Variants in ARHGEF9 observed in about 807,000 individuals in gnomAD.
ARHGEF9 encodes Cdc42 guanine nucleotide exchange factor 9.
Under a neutral mutation model 41.3 loss-of-function variants are expected in ARHGEF9, and 2 were observed. The observed-to-expected ratio is 0.05, with a 90% confidence interval of 0.02 to 0.15. The LOEUF (loss-of-function observed/expected upper bound fraction) is 0.15, where lower values mean the gene tolerates loss of function less well. Ranked by LOEUF, ARHGEF9 falls within the 10% of genes least tolerant of loss-of-function variation. The pLI is 1.00. For synonymous variants in ARHGEF9, 160 were observed against 154.4 expected (o/e 1.04, Z -0.27); for missense variants, 225 against 424.7 (o/e 0.53, Z 4.13).
chrX:63,646,308 C>T (rs1277301350), intron 8 of ARHGEF9, among the ~76,000 whole-genome samples: 4 of 111,941 alleles, frequency 3.6e-5, no homozygotes, highest in South Asian at 3.7e-4. Context: ...CTTGCCCATG[C>T]GTATGTCCCG....
chrX:63,712,141 G>A (rs2052975697), intron 2 of ARHGEF9, among the ~76,000 whole-genome samples: 1 of 112,031 alleles, frequency 8.9e-6, no homozygotes, highest in Admixed American at 9.4e-5. Context: ...ACGAGCATGT[G>A]AAGAAATTGG....
chrX:63,712,777 CCT>C (rs2053028485), intron 2 of ARHGEF9: 1 of 111,095 alleles, frequency 9.0e-6, no homozygotes, highest in African/African-American at 3.3e-5. Flanking sequence ...TGAAATTTCC[CCT>C]GATTGTTCCT....
At chrX:63,711,111 G>A (rs1329947034) in intron 2 of ARHGEF9, among the ~76,000 whole-genome samples, 2 of 111,768 alleles carry the variant, frequency 1.8e-5, no homozygotes, top group Admixed American at 9.5e-5. Flanking sequence ...AACAAAAGAA[G>A]TGCAGTCTTA....
At chrX:63,750,871 A>ATT (rs1205919642) in intron 1 of ARHGEF9, among the ~76,000 whole-genome samples, 4 of 110,967 alleles carry the variant, frequency 3.6e-5, no homozygotes, top group East Asian at 5.7e-4. Flanking sequence ...TTTCCGAGGC[A>ATT]TTTGCAGGAA....
chrX:63,666,137 G>A, intron 6 of ARHGEF9, 120 bp from the exon 7 acceptor site: 2 of 926,409 alleles, frequency 2.2e-6, no homozygotes, highest in South Asian at 4.2e-5. Context: ...GGGCCTGGTA[G>A]AGACAGAGGG....
chrX:63,774,054 TATC>T lies in ARHGEF9; in HGVS notation c.30+11059_30+11061del, dbSNP rs1556456565. Among the ~76,000 whole-genome samples the T allele has an allele frequency of 3.3e-5, 3 of 92,164 alleles. No homozygotes were observed. The East Asian group carries it at 9.3e-4, about 29-fold the overall frequency. 80.0% of individuals were successfully genotyped at this position (92,164 alleles called of 115,157 possible). On this transcript the variant is annotated intron_variant, in intron 1 of 9. Coordinates refer to ENST00000671741, the MANE Select transcript of ARHGEF9 (RefSeq NM_001353921.2). The stretch of plus-strand genomic sequence containing the variant: ...GAGCAAATCCATTATAATATCTATC[TATC>T]TATCTATCTATCTATCTATCTATCT...
chrX:63,772,967 C>T (rs1469144738), intron 1 of ARHGEF9, among the ~76,000 whole-genome samples: 1 of 111,386 alleles, frequency 9.0e-6, no homozygotes, highest in African/African-American at 3.3e-5. Flanking sequence ...GATCTTTCCC[C>T]AAGTCTCTAC....
intron 2 of ARHGEF9, among the ~76,000 whole-genome samples, chrX:63,717,314 A>G (rs1377927108): frequency 3.6e-5 from 4 of 112,211 alleles, no homozygotes; most frequent in African/African-American, 1.3e-4. Context: ...ACATTGTCCA[A>G]TTACATGTTC....
chrX:63,674,857 G>T (rs1186343806), intron 5 of ARHGEF9, among the ~76,000 whole-genome samples: 9 of 111,677 alleles, frequency 8.1e-5, no homozygotes, highest in Non-Finnish European at 1.1e-4. Context: ...AGTTAGAAAA[G>T]AAGTGATTTC....
chrX:63,759,318 A>G (rs2055993098), intron 1 of ARHGEF9, among the ~76,000 whole-genome samples: 1 of 110,576 alleles, frequency 9.0e-6, no homozygotes, highest in African/African-American at 3.3e-5. Flanking sequence ...CCCTCCCGAG[A>G]TCTATTCCTT....
At position 63,659,616 on chromosome X, in the gene ARHGEF9, T is replaced by C. The variant is rs781913115; in HGVS notation, c.1078-3879A>G. On this transcript the variant is annotated intron_variant, in intron 7 of 9. Transcript: ENST00000671741. ...CCCTGCCCCTTTATAGAGGGGACCC[T>C]AGTTACTCTTCTCTAGCCTTTTCTC... is the stretch of plus-strand genomic sequence containing the variant. 2.7e-5 allele frequency among the ~76,000 whole-genome samples: 3 copies of C among 111,409 alleles called. No homozygotes were observed. The East Asian group carries it at 8.5e-4, about 32-fold the overall frequency.
At chrX:63,656,915 A>G (rs1305896144) in intron 7 of ARHGEF9, 1 of 112,232 alleles carries the variant, frequency 8.9e-6, no homozygotes, top group Non-Finnish European at 1.9e-5. Flanking sequence ...TGAATGTCAA[A>G]TATTTCATAA....
intron 2 of ARHGEF9, among the ~76,000 whole-genome samples, chrX:63,720,960 C>G (rs1328317228): frequency 8.9e-6 from 1 of 111,911 alleles, no homozygotes; most frequent in African/African-American, 3.3e-5. Flanking sequence ...GGGAACCATC[C>G]AAGTCACTTT....
chrX:63,697,140 G>A lies in ARHGEF9; in HGVS notation c.567C>T (p.Pro189=). The change falls in exon 4 of 10, where the codon CCC becomes CCT. Residue 189 remains proline, a synonymous_variant. Transcript: ENST00000671741. ...AGATACTTACGTGCTCTAGGAAGCA[G>A]GGTCCTATCTCGCTGAGGTGGGGGT... ...NDDPHLSEIG[P]CFLEHQDGFW... 8.3e-7 allele frequency: 1 copy of A among 1,210,196 alleles called. No homozygotes were observed. Among genetic ancestry groups the A allele is most frequent in the East Asian group, 3.0e-5 (1 of 33,759 alleles).
At chrX:63,662,722 G>A (rs1413999820) in intron 7 of ARHGEF9, among the ~76,000 whole-genome samples, 1 of 111,939 alleles carries the variant, frequency 8.9e-6, no homozygotes, top group African/African-American at 3.2e-5. Flanking sequence ...TACCTCATAG[G>A]TTTGTTGTGA....
chrX:63,720,167 C>G (rs1307008506), intron 2 of ARHGEF9, among the ~76,000 whole-genome samples: 2 of 111,596 alleles, frequency 1.8e-5, no homozygotes, highest in African/African-American at 6.5e-5. Flanking sequence ...TGACCTGGCA[C>G]AGTCTCAAGT....
chrX:63,695,519 C>T (rs2051679872), intron 4 of ARHGEF9, among the ~76,000 whole-genome samples: 1 of 111,856 alleles, frequency 8.9e-6, no homozygotes, highest in South Asian at 3.7e-4. Flanking sequence ...AAGAATGGAA[C>T]CAGAAGGTCA....
Position 63,635,498 on chromosome X carries a change from T to A in ARHGEF9, c.*2530A>T, listed in dbSNP as rs1446444724. The stretch of plus-strand genomic sequence containing the variant: ...AACAGGTTAGGATACTGAACCCAGG[T>A]ATTTAATTGGGCTCCCCTTGGGGCT... On this transcript the variant is annotated 3_prime_UTR_variant, in exon 10 of 10. Coordinates refer to ENST00000671741, the MANE Select transcript of ARHGEF9 (RefSeq NM_001353921.2). 49 of 495,653 alleles carry A rather than the reference T, an allele frequency of 9.9e-5. No individual in the cohort carries two copies. In the East Asian group the frequency reaches 1.9e-3, roughly 19 times the overall value. The allele number at this position is 495,653 out of a possible 1,213,427, so 40.8% of individuals were successfully genotyped here.
At chrX:63,720,838 T>A (rs1556413320) in intron 2 of ARHGEF9, among the ~76,000 whole-genome samples, 1 of 112,477 alleles carries the variant, frequency 8.9e-6, no homozygotes, top group African/African-American at 3.2e-5. Flanking sequence ...TCATTAACAT[T>A]TTTTTAAATA....
Sources: allele counts gnomAD v4.1 joint callset (sites outside exome capture counted in the v4.1 genomes callset), GRCh38; gene constraint gnomAD v4.1.1; transcripts MANE v1.5; gene names NCBI Gene and HGNC (gene_info 2026-07-23, HGNC 2026-07-21).